Variants in ARG1 observed in about 807,000 individuals in gnomAD.
ARG1 encodes the protein arginase-1.
A neutral mutation model predicts 33.0 loss-of-function variants in ARG1; 20 were observed. The ratio of observed to expected loss-of-function variants is 0.61; its 90% CI spans 0.43 to 0.88. The LOEUF (loss-of-function observed/expected upper bound fraction) is 0.88, where lower values mean the gene tolerates loss of function less well. Among genes scored for constraint, ARG1 ranks in the 40% least tolerant of loss-of-function variants. The pLI, the probability that ARG1 is intolerant of heterozygous loss-of-function variation, is 0.00. For synonymous variants in ARG1, 146 were observed against 140.6 expected (o/e 1.04, Z -0.27); for missense variants, 374 against 384.7 (o/e 0.97, Z 0.23).
In ARG1 at chr6:131,584,197, C is replaced by CACTT. The variant is rs912772679; in HGVS notation, c.*292_*295dup. The CACTT allele has an allele frequency of 3.0e-5, 12 of 397,526 alleles. No homozygotes were observed. In the Admixed American group the frequency reaches 3.8e-4, roughly 13 times the overall value. 24.6% of individuals were successfully genotyped at this position (397,526 alleles called of 1,614,324 possible). On this transcript the variant is annotated 3_prime_UTR_variant, in exon 8 of 8. Coordinates refer to ENST00000368087, the MANE Select transcript of ARG1 (RefSeq NM_000045.4). ...AATTTGCTGGCATTAAAAATAAGCA[C>CACTT]ACTTACATAAGCCCCCATACATAGA...
chr6:131,582,453 A>C (rs1773975045), intron 4 of ARG1, among the ~76,000 whole-genome samples, 168 bp from the exon 5 acceptor site: 1 of 152,164 alleles, frequency 6.6e-6, no homozygotes, highest in Admixed American at 6.5e-5. Flanking sequence ...AAAGCAATCA[A>C]GGGGAGGCAC....
At chr6:131,574,204 A>G in intron 1 of ARG1, 1 of 1,467,472 alleles carries the variant, frequency 6.8e-7, no homozygotes, top group Non-Finnish European at 9.6e-7. Context: ...AGTTGAAACT[A>G]CTAAGGTTGA....
chr6:131,581,153 T>C, intron 3 of ARG1, 66 bp from the exon 4 acceptor site: 2 of 1,516,902 alleles, frequency 1.3e-6, no homozygotes, highest in Non-Finnish European at 1.8e-6. Context: ...GAGCATTGAG[T>C]GAATAATATG....
intron 2 of ARG1, among the ~76,000 whole-genome samples, chr6:131,577,330 T>G (rs888287697): frequency 3.0e-4 from 45 of 152,166 alleles, no homozygotes; most frequent in African/African-American, 1.0e-3. Flanking sequence ...ACAGCCACTT[T>G]GAAAGTAGGT....
Sources: allele counts gnomAD v4.1 joint callset (sites outside exome capture counted in the v4.1 genomes callset), GRCh38; gene constraint gnomAD v4.1.1; transcripts MANE v1.5; gene names NCBI Gene and HGNC (gene_info 2026-07-23, HGNC 2026-07-21).